Variants in NHERF4 observed in about 807,000 individuals in gnomAD.
NHERF4 encodes the protein Na(+)/H(+) exchange regulatory cofactor NHE-RF4.
At chr11:119,186,083 T>G in the NHERF4 span, 1 of 1,610,746 alleles carries the variant, frequency 6.2e-7, no homozygotes, top group Non-Finnish European at 8.5e-7. The surrounding 1 kb of genome is among the most constrained non-coding windows in gnomAD (Gnocchi z 4.4). Context: ...TTCCCCTGCC[T>G]CCTTGCAGGA....
chr11:119,185,998 C>T, the NHERF4 span: 1 of 1,613,924 alleles, frequency 6.2e-7, no homozygotes, highest in Non-Finnish European at 8.5e-7. Flanking sequence ...TAATTGGAGG[C>T]AGCGAAGCGC....
the NHERF4 span, chr11:119,190,169 A>C: frequency 3.1e-6 from 3 of 960,724 alleles, no homozygotes; most frequent in Non-Finnish European, 4.4e-6. The surrounding 1 kb of genome is among the most constrained non-coding windows in gnomAD (Gnocchi z 4.2). Context: ...AACAACAAAA[A>C]CAAAAAAAGA....
the NHERF4 span, chr11:119,188,841 A>T: frequency 6.2e-7 from 1 of 1,614,074 alleles, no homozygotes; most frequent in African/African-American, 1.3e-5. Context: ...TTGTGTGGCC[A>T]GTGGGCCTCG....
chr11:119,189,984 G>C, the NHERF4 span: 1 of 379,090 alleles, frequency 2.6e-6, no homozygotes, highest in South Asian at 4.3e-5. The surrounding 1 kb of genome is among the most constrained non-coding windows in gnomAD (Gnocchi z 5.8). Flanking sequence ...TGGGGGTAAG[G>C]GGCAGTGGTG....
At chr11:119,188,448 T>TG in the NHERF4 span, 4 of 1,612,848 alleles carry the variant, frequency 2.5e-6, no homozygotes, top group Non-Finnish European at 3.4e-6. Context: ...GGGGAGAGCG[T>TG]GGAGGGGCTG....
At chr11:119,186,548 A>T in the NHERF4 span, 3 of 1,614,114 alleles carry the variant, frequency 1.9e-6, no homozygotes, top group Non-Finnish European at 2.5e-6. The surrounding 1 kb of genome is among the most constrained non-coding windows in gnomAD (Gnocchi z 4.4). Context: ...TTTGGCTTCC[A>T]CCTGCAGCAG....
the NHERF4 span, chr11:119,185,785 A>G: frequency 9.0e-7 from 1 of 1,106,422 alleles, no homozygotes; most frequent in Non-Finnish European, 1.4e-6. Context: ...AGAAGAGAAG[A>G]CCCCTTTGGA....
At chr11:119,188,752 G>A in the NHERF4 span, 3 of 1,614,182 alleles carry the variant, frequency 1.9e-6, no homozygotes, top group Admixed American at 1.7e-5. Context: ...GAAGACACAA[G>A]CGTGCCTTCT....
chr11:119,185,903 C>T, the NHERF4 span: 416 of 1,614,122 alleles, frequency 2.6e-4, 4 homozygotes, highest in South Asian at 3.6e-3. Flanking sequence ...CTCCTCCTCT[C>T]ACCCACTTCT....
the NHERF4 span, chr11:119,189,974 TG>T: frequency 2.8e-6 from 1 of 356,110 alleles, no homozygotes; most frequent in South Asian, 4.9e-5. This position sits in a 1 kb window ranked among gnomAD's most constrained non-coding sequence, Gnocchi z 5.8. Flanking sequence ...TTTGTGTTGG[TG>T]GGGGTAAGGG....
the NHERF4 span, chr11:119,186,208 G>C: frequency 1.2e-6 from 2 of 1,613,872 alleles, no homozygotes; most frequent in Non-Finnish European, 1.7e-6. The surrounding 1 kb of genome is among the most constrained non-coding windows in gnomAD (Gnocchi z 4.4). Flanking sequence ...ATCCCTGGAG[G>C]CACCACGGCT....
chr11:119,186,208 GCACCACGGCTC>G, the NHERF4 span: 3 of 1,613,990 alleles, frequency 1.9e-6, no homozygotes, highest in Non-Finnish European at 2.5e-6. The surrounding 1 kb of genome is among the most constrained non-coding windows in gnomAD (Gnocchi z 4.4). Context: ...ATCCCTGGAG[GCACCACGGCTC>G]CACACGGCCT....
the NHERF4 span, chr11:119,188,491 G>T: frequency 6.2e-7 from 1 of 1,609,248 alleles, no homozygotes; most frequent in Middle Eastern, 1.7e-4. Flanking sequence ...GGATCCAGGG[G>T]CAGGGCTCCT....
the NHERF4 span, chr11:119,187,507 C>T: frequency 6.2e-7 from 1 of 1,612,910 alleles, no homozygotes; most frequent in East Asian, 2.2e-5. Flanking sequence ...GGATCTCAGC[C>T]CCTGTTCAGG....
At chr11:119,188,429 G>A in the NHERF4 span, 19 of 1,613,742 alleles carry the variant, frequency 1.2e-5, no homozygotes, top group East Asian at 4.0e-4. Flanking sequence ...CCGGCTGGTG[G>A]CTGTGGCTGG....
chr11:119,189,829 T>A, the NHERF4 span: 2 of 391,298 alleles, frequency 5.1e-6, no homozygotes, highest in Non-Finnish European at 9.4e-6. The surrounding 1 kb of genome is among the most constrained non-coding windows in gnomAD (Gnocchi z 5.8). Flanking sequence ...CCAGGACCCT[T>A]GAGTGTAATG....
chr11:119,189,992 G>C, the NHERF4 span: 1 of 396,446 alleles, frequency 2.5e-6, no homozygotes, highest in Non-Finnish European at 4.5e-6. This position sits in a 1 kb window ranked among gnomAD's most constrained non-coding sequence, Gnocchi z 5.8. Flanking sequence ...AGGGGCAGTG[G>C]TGTGAAGGGA....
chr11:119,187,318 T>C, the NHERF4 span: 1 of 1,612,716 alleles, frequency 6.2e-7, no homozygotes, highest in Non-Finnish European at 8.5e-7. Context: ...GCTGACAGTA[T>C]TGGCACGGCA....
chr11:119,185,637 G>T, the NHERF4 span: 1 of 926,412 alleles, frequency 1.1e-6, no homozygotes, highest in Non-Finnish European at 1.8e-6. Flanking sequence ...AGGTAAACAA[G>T]TCAGGAGAAA....
Sources: allele counts gnomAD v4.1 joint callset, GRCh38; gene constraint gnomAD v4.1.1; non-coding constraint Gnocchi (gnomAD v3.1); transcripts MANE v1.5; gene names NCBI Gene and HGNC (gene_info 2026-07-23, HGNC 2026-07-21).